Variants in PLCB4 observed in about 807,000 individuals in gnomAD.
PLCB4 encodes the protein 1-phosphatidylinositol 4,5-bisphosphate phosphodiesterase beta-4.
In PLCB4, 77 loss-of-function variants were observed where a neutral mutation model predicts 178.8. The observed-to-expected ratio is 0.43, with a 90% CI of 0.36 to 0.52. The LOEUF (loss-of-function observed/expected upper bound fraction) is 0.52. Ranked by LOEUF, PLCB4 falls within the 20% of genes least tolerant of loss-of-function variation. The probability of loss-of-function intolerance (pLI) is 0.00; values close to 1 mark genes in which losing one functional copy is unlikely to be tolerated. For synonymous variants in PLCB4, 496 were observed against 490.8 expected, an observed-to-expected ratio of 1.01 and a Z score of -0.14; for missense variants, 1,024 against 1,453.4, an observed-to-expected ratio of 0.70 and a Z score of 4.80.
chr20:9,098,960 T>G (rs1345057465), intron 2 of PLCB4, among the ~76,000 whole-genome samples: 3 of 151,454 alleles, frequency 2.0e-5, no homozygotes, highest in Non-Finnish European at 2.9e-5. Flanking sequence ...TATATATGAC[T>G]ATTTTAAAAC....
At chr20:9,298,859 T>C (rs1601690271) in intron 3 of PLCB4, among the ~76,000 whole-genome samples, 1 of 152,056 alleles carries the variant, frequency 6.6e-6, no homozygotes, top group Non-Finnish European at 1.5e-5. Context: ...CCTGTGCAAT[T>C]TGTGTTCTTT....
In PLCB4 at chr20:9,096,645, T is replaced by C. The variant is rs2090921342; in HGVS notation, c.-79+303T>C. On this transcript the variant is annotated intron_variant, in intron 2 of 39. Transcript: ENST00000378473. ...ATACATTTATTTCAGCTCATCTTGA[T>C]GAAATGTGTTCCTGTCTTTTTCAGT... is the stretch of plus-strand genomic sequence containing the variant. 3.9e-5 allele frequency among the ~76,000 whole-genome samples: 6 copies of C among 152,344 alleles called. No homozygotes were observed. In the South Asian group the frequency reaches 1.2e-3, roughly 32 times the overall value.
intron 7 of PLCB4, among the ~76,000 whole-genome samples, chr20:9,348,706 A>G (rs1268378645): frequency 6.6e-6 from 1 of 152,064 alleles, no homozygotes; most frequent in Admixed American, 6.6e-5. Flanking sequence ...TTTAGCTGGC[A>G]TTTTTCTTAG....
At chr20:9,124,096 T>C (rs889239733) in intron 2 of PLCB4, among the ~76,000 whole-genome samples, 3 of 152,188 alleles carry the variant, frequency 2.0e-5, no homozygotes, top group African/African-American at 7.2e-5. Context: ...TTTAAATATG[T>C]AAAAACCAAT....
At chr20:9,135,220 A>G in intron 2 of PLCB4, among the ~76,000 whole-genome samples, 1 of 152,138 alleles carries the variant, frequency 6.6e-6, no homozygotes, top group East Asian at 1.9e-4. Context: ...AGCCAAATAT[A>G]CAATTTAACT....
chr20:9,432,712 C>A (rs1010276582), intron 28 of PLCB4, among the ~76,000 whole-genome samples: 10 of 152,214 alleles, frequency 6.6e-5, no homozygotes, highest in Admixed American at 5.2e-4. Flanking sequence ...GGACCTTAAT[C>A]ATGCCCACTT....
intron 1 of PLCB4, among the ~76,000 whole-genome samples, chr20:9,084,783 A>G (rs912711397): frequency 2.0e-5 from 3 of 152,220 alleles, no homozygotes; most frequent in Non-Finnish European, 4.4e-5. Flanking sequence ...GACATCTTCA[A>G]TATAAAGCAT....
chr20:9,148,227 G>A (rs1048756476), intron 2 of PLCB4, among the ~76,000 whole-genome samples: 1 of 152,082 alleles, frequency 6.6e-6, no homozygotes, highest in Non-Finnish European at 1.5e-5. Flanking sequence ...GCAAATCTGG[G>A]CCTTGAACCC....
intron 4 of PLCB4, among the ~76,000 whole-genome samples, chr20:9,316,029 G>A (rs963774479): frequency 6.6e-5 from 10 of 152,124 alleles, no homozygotes; most frequent in Non-Finnish European, 1.2e-4. Flanking sequence ...TAGGCTCTGA[G>A]GCAAACATAG....
chr20:9,478,880 A>G, intron 39 of PLCB4, 41 bp from the exon 40 acceptor site: 2 of 1,475,292 alleles, frequency 1.4e-6, no homozygotes, highest in Non-Finnish European at 1.9e-6. Flanking sequence ...CCTTCAGATA[A>G]GGATTTCAAC....
intron 30 of PLCB4, among the ~76,000 whole-genome samples, chr20:9,443,135 C>T (rs2042212859): frequency 6.6e-6 from 1 of 152,160 alleles, no homozygotes; most frequent in South Asian, 2.1e-4. Flanking sequence ...TACCCTAGCT[C>T]CTCCTGGTAT....
intron 2 of PLCB4, among the ~76,000 whole-genome samples, chr20:9,141,486 A>G (rs764208367): frequency 6.6e-6 from 1 of 152,130 alleles, no homozygotes. Context: ...ATTTTGTTTT[A>G]TTTAAAGATT....
intron 4 of PLCB4, among the ~76,000 whole-genome samples, chr20:9,331,359 G>A (rs58975872): frequency 6.6e-6 from 1 of 152,156 alleles, no homozygotes; most frequent in South Asian, 2.1e-4. Flanking sequence ...GCTGTCCCTA[G>A]CTGGTAATAA....
intron 3 of PLCB4, among the ~76,000 whole-genome samples, chr20:9,290,493 T>C (rs1306794319): frequency 6.6e-6 from 1 of 152,162 alleles, no homozygotes; most frequent in Non-Finnish European, 1.5e-5. Context: ...AGTTTCTATA[T>C]AAGCAATGGA....
At chr20:9,359,675 G>A (rs1396542092) in intron 7 of PLCB4, among the ~76,000 whole-genome samples, 1 of 152,148 alleles carries the variant, frequency 6.6e-6, no homozygotes, top group Non-Finnish European at 1.5e-5. Flanking sequence ...GGAGCGTGTC[G>A]CCATCCAGCC....
intron 14 of PLCB4, among the ~76,000 whole-genome samples, chr20:9,386,707 G>A (rs919227806): frequency 2.0e-5 from 3 of 151,230 alleles, no homozygotes; most frequent in East Asian, 1.9e-4. Flanking sequence ...TATGCACAAC[G>A]TGCAGGTTTG....
intron 2 of PLCB4, among the ~76,000 whole-genome samples, chr20:9,171,884 C>T (rs759305675): frequency 6.6e-5 from 10 of 152,118 alleles, no homozygotes; most frequent in South Asian, 2.1e-4. Flanking sequence ...AAATATCAAT[C>T]GATCTTCCAT....
chr20:9,147,254 G>A (rs1163502287), intron 2 of PLCB4, among the ~76,000 whole-genome samples: 1 of 152,220 alleles, frequency 6.6e-6, no homozygotes, highest in Non-Finnish European at 1.5e-5. Flanking sequence ...AGACATTAAT[G>A]TATGTTAAGG....
At chr20:9,221,345 T>C (rs1209939618) in intron 3 of PLCB4, among the ~76,000 whole-genome samples, 1 of 152,194 alleles carries the variant, frequency 6.6e-6, no homozygotes, top group Non-Finnish European at 1.5e-5. Flanking sequence ...TCTGCTGTCT[T>C]CATCTGCATG....
Sources: gnomAD v4.1 joint callset for allele counts (sites outside exome capture counted in the v4.1 genomes callset) on GRCh38, gnomAD v4.1.1 for gene constraint, MANE v1.5 for transcripts, NCBI Gene and HGNC (gene_info 2026-07-23, HGNC 2026-07-21) for gene names.